Variants in HIPK3 observed in about 807,000 individuals in gnomAD.
The protein encoded by HIPK3 is homeodomain interacting protein kinase 3.
Under a neutral mutation model 124.2 loss-of-function variants are expected in HIPK3, and 47 were observed. The observed-to-expected ratio is 0.38, with a 90% confidence interval of 0.30 to 0.48. The LOEUF (loss-of-function observed/expected upper bound fraction) is 0.48, where lower values mean the gene tolerates loss of function less well. Ranked by LOEUF, HIPK3 falls within the 20% of genes least tolerant of loss-of-function variation. The pLI, the probability that HIPK3 is intolerant of heterozygous loss-of-function variation, is 0.98. For missense variants in HIPK3, 1,286 were observed against 1,454.3 expected (o/e 0.88, Z 1.88); for synonymous variants, 482 against 515.2 (o/e 0.94, Z 0.87).
intron 2 of HIPK3, among the ~76,000 whole-genome samples, chr11:33,311,733 T>C (rs1163968907): frequency 6.6e-6 from 1 of 151,946 alleles, no homozygotes; most frequent in East Asian, 1.9e-4. Context: ...CTTGGCCATA[T>C]GCAGTGGCAT....
At chr11:33,339,914 T>G (rs1383922491) in intron 6 of HIPK3, among the ~76,000 whole-genome samples, 4 of 152,200 alleles carry the variant, frequency 2.6e-5, no homozygotes, top group African/African-American at 9.6e-5. Context: ...AACTTCCATT[T>G]TACATTTTTT....
In HIPK3 at chr11:33,328,626, A is replaced by G. The variant is rs1350286545; in HGVS notation, c.1214A>G (p.Tyr405Cys). Residue 405 changes from tyrosine (Y) to cysteine (C), a missense_variant, in exon 3 of 17, where the codon TAT (tyrosine) becomes TGT (cysteine). Transcript: ENST00000303296. ...GWPLYPGALE[Y>C]DQIRYISQTQ... is the part of the protein sequence containing the mutation. ...CCGCTCTACCCAGGAGCCTTGGAGTATGATCAGGTAACAAATAATGATAAT... is the reference window on the plus strand; with the variant it reads ...CCGCTCTACCCAGGAGCCTTGGAGTGTGATCAGGTAACAAATAATGATAAT... The G allele has an allele frequency of 1.9e-6, 3 of 1,612,958 alleles. No homozygotes were observed. Among genetic ancestry groups the G allele is most frequent in the Non-Finnish European group, 8.5e-7 (1 of 1,179,280 alleles).
intron 2 of HIPK3, among the ~76,000 whole-genome samples, chr11:33,293,538 T>C (rs982056628): frequency 6.6e-6 from 1 of 152,148 alleles, no homozygotes; most frequent in African/African-American, 2.4e-5. Context: ...CCTTTTCGAC[T>C]GAGTTTTTTT....
In HIPK3 at chr11:33,286,865, C is replaced by G. The variant is rs779796961; in HGVS notation, c.451C>G (p.Pro151Ala). ...MQIVDELSIL[P>A]AMLQTNMGNP... ...GATTGTCGATGAATTGTCCATACTTCCTGCAATGTTGCAAACCAACATGGG... is the reference window on the plus strand; with the variant it reads ...GATTGTCGATGAATTGTCCATACTTGCTGCAATGTTGCAAACCAACATGGG... Residue 151 changes from proline to alanine, a missense_variant, in exon 2 of 17, where the codon CCT (proline) becomes GCT (alanine). By Grantham distance (27) the Pro-to-Ala change is conservative. This residue lies in a region of HIPK3 where 225 missense variants were observed against 240.3 expected (regional missense o/e 0.94). Coordinates refer to ENST00000303296, the MANE Select transcript of HIPK3 (RefSeq NM_005734.5). 6.2e-7 allele frequency: 1 copy of G among 1,614,120 alleles called. No individual in the cohort carries two copies. The highest frequency in any genetic ancestry group is 1.1e-5 in the South Asian group (1 of 91,078).
In HIPK3 at chr11:33,307,753, T is replaced by G. The variant is rs182484430; in HGVS notation, c.1097+20242T>G. ...TATGTGCTTGGTTGTTTTATTCTTG[T>G]TGGTGTGTGTGTGTGTGTGTGTGTG... On this transcript the variant is annotated intron_variant, in intron 2 of 16. Transcript: ENST00000303296. Among the ~76,000 whole-genome samples, 153 of 149,714 alleles carry G rather than the reference T, an allele frequency of 1.0e-3. 2 individuals are homozygous for G. In the East Asian group the frequency reaches 0.028, roughly 28 times the overall value.
intron 1 of HIPK3, among the ~76,000 whole-genome samples, chr11:33,275,490 C>T (rs1003587400): frequency 3.3e-5 from 5 of 151,934 alleles, no homozygotes; most frequent in Admixed American, 6.6e-5. Context: ...CTAGTGTCTC[C>T]TGCCTTTTTT....
At chr11:33,300,589 A>G (rs1851971246) in intron 2 of HIPK3, among the ~76,000 whole-genome samples, 1 of 152,202 alleles carries the variant, frequency 6.6e-6, no homozygotes. Context: ...TGTAAACATA[A>G]CTTTTATATG....
At chr11:33,278,230 T>G (rs1851321597) in intron 1 of HIPK3, among the ~76,000 whole-genome samples, 1 of 152,220 alleles carries the variant, frequency 6.6e-6, no homozygotes, top group Non-Finnish European at 1.5e-5. Flanking sequence ...TTTTGTGCTA[T>G]GTAAGAAAAG....
chr11:33,289,512 T>A (rs1006554145), intron 2 of HIPK3, among the ~76,000 whole-genome samples: 31 of 152,308 alleles, frequency 2.0e-4, no homozygotes, highest in South Asian at 6.2e-4. Context: ...ATTCTTTTTT[T>A]AAAAACATTT....
chr11:33,350,634 A>G (rs1385647422), intron 14 of HIPK3, among the ~76,000 whole-genome samples: 3 of 152,152 alleles, frequency 2.0e-5, no homozygotes, highest in Non-Finnish European at 4.4e-5. Context: ...TGATCACACC[A>G]CTGCACTATA....
Position 33,286,984 on chromosome 11 carries a change from A to G in HIPK3, c.570A>G (p.Leu190=). ...GDYQLVQHEV[L]CSMKNTYEVL... ...ATCAGTTAGTACAGCATGAAGTCTT[A>G]TGCTCCATGAAAAATACTTACGAAG... is the stretch of plus-strand genomic sequence containing the variant. The change falls in exon 2 of 17, where the codon TTA becomes TTG. Residue 190 remains leucine (L), a synonymous_variant. Coordinates refer to ENST00000303296, the MANE Select transcript of HIPK3 (RefSeq NM_005734.5). 1.2e-6 allele frequency: 2 copies of G among 1,614,192 alleles called. No homozygotes were observed.
chr11:33,279,860 G>A (rs1428371983), intron 1 of HIPK3, among the ~76,000 whole-genome samples: 4 of 151,930 alleles, frequency 2.6e-5, no homozygotes, highest in East Asian at 1.9e-4. Flanking sequence ...GTATCCTTAC[G>A]TGGTAGAAGG....
At chr11:33,265,795 A>G (rs1250978942) in intron 1 of HIPK3, among the ~76,000 whole-genome samples, 1 of 91,146 alleles carries the variant, frequency 1.1e-5, no homozygotes, top group East Asian at 3.1e-4. Context: ...AAAAAAAAAA[A>G]GCAAAATGGG....
chr11:33,302,182 T>A (rs1166999136), intron 2 of HIPK3, among the ~76,000 whole-genome samples: 1 of 152,170 alleles, frequency 6.6e-6, no homozygotes, highest in East Asian at 1.9e-4. Flanking sequence ...TAGACACTTG[T>A]AACTTCTAGG....
intron 15 of HIPK3, 98 bp from the exon 16 acceptor site, chr11:33,352,040 C>A: frequency 8.1e-7 from 1 of 1,227,892 alleles, no homozygotes. Context: ...AATTTTAAGG[C>A]TCTCAAATCA....
intron 14 of HIPK3, among the ~76,000 whole-genome samples, chr11:33,350,268 G>A (rs1316008534): frequency 6.6e-6 from 1 of 152,094 alleles, no homozygotes; most frequent in Non-Finnish European, 1.5e-5. Flanking sequence ...GATTTGCATG[G>A]TTTTATCCAT....
At chr11:33,271,132 T>G (rs1307601881) in intron 1 of HIPK3, among the ~76,000 whole-genome samples, 1 of 152,204 alleles carries the variant, frequency 6.6e-6, no homozygotes, top group East Asian at 1.9e-4. Flanking sequence ...TCACTCAAAT[T>G]GCAAGGTTCT....
chr11:33,352,979 G>T, intron 16 of HIPK3, 113 bp from the exon 17 acceptor site: 1 of 637,808 alleles, frequency 1.6e-6, no homozygotes. Flanking sequence ...AGTTCTGAGA[G>T]ATCCACTATG....
At chr11:33,277,707 G>A (rs1851308066) in intron 1 of HIPK3, among the ~76,000 whole-genome samples, 1 of 152,216 alleles carries the variant, frequency 6.6e-6, no homozygotes, top group African/African-American at 2.4e-5. Context: ...CCTGGGAGAA[G>A]AATTGCTGGA....
Sources: allele counts gnomAD v4.1 joint callset (sites outside exome capture counted in the v4.1 genomes callset), GRCh38; gene constraint gnomAD v4.1.1; regional missense constraint gnomAD v4.1.1; transcripts MANE v1.5; gene names NCBI Gene and HGNC (gene_info 2026-07-23, HGNC 2026-07-21).